NCKAP5: variants seen among roughly 807,000 people sequenced by gnomAD.
NCKAP5 encodes nck-associated protein 5.
NCKAP5 carries 92 observed loss-of-function variants against 167.0 expected under a neutral mutation model. That is an observed-to-expected ratio of 0.55 (90% CI 0.47 to 0.66). The LOEUF is 0.66. Ranked by LOEUF, NCKAP5 falls within the 30% of genes least tolerant of loss-of-function variation. NCKAP5 has a pLI of 0.00. For synonymous variants in NCKAP5, 891 were observed against 877.4 expected (o/e 1.02, Z -0.27); for missense variants, 2,378 against 2,315.0 (o/e 1.03, Z -0.56).
intron 2 of NCKAP5, among the ~76,000 whole-genome samples, chr2:133,556,550 C>T (rs1276505037): frequency 3.9e-5 from 6 of 152,202 alleles, no homozygotes. Flanking sequence ...CATGTGTATT[C>T]AGTGTAGATT....
intron 5 of NCKAP5, among the ~76,000 whole-genome samples, chr2:133,210,241 C>T (rs899255898): frequency 8.6e-5 from 12 of 139,970 alleles, no homozygotes; most frequent in Middle Eastern, 7.2e-3. Flanking sequence ...TCTCAAAATG[C>T]TGCTTTGGGA....
At chr2:133,579,065 A>G in the NCKAP5 span, among the ~76,000 whole-genome samples, 1 of 152,226 alleles carries the variant, frequency 6.6e-6, no homozygotes, top group African/African-American at 2.4e-5. Context: ...AAACATTTGG[A>G]TAGCACTTAG....
In NCKAP5 at chr2:132,901,596, TAAATA is replaced by T. The variant is rs375653164; in HGVS notation, c.580-22685_580-22681del. On this transcript the variant is annotated intron_variant, in intron 8 of 19. Transcript: ENST00000409261. ...GAAACGCATTAAGTAAACAATGCTG[TAAATA>T]AAATAAGATTGTGTCAACAGAATAT... 2.9e-3 allele frequency among the ~76,000 whole-genome samples: 441 copies of T among 152,294 alleles called. 1 individual carries two copies. Among genetic ancestry groups the T allele is most frequent in the African/African-American group, 9.8e-3 (407 of 41,570 alleles).
intron 8 of NCKAP5, among the ~76,000 whole-genome samples, chr2:132,914,145 CA>C (rs1694676643): frequency 6.6e-6 from 1 of 152,090 alleles, no homozygotes; most frequent in African/African-American, 2.4e-5. Flanking sequence ...AAATTTCTTT[CA>C]AATAGCACAT....
intron 5 of NCKAP5, among the ~76,000 whole-genome samples, chr2:133,187,490 G>T (rs1179607519): frequency 2.0e-5 from 3 of 151,998 alleles, no homozygotes; most frequent in Admixed American, 2.0e-4. Flanking sequence ...AGGAGTTTGA[G>T]ACCCACATGG....
chr2:133,674,502 A>G, the NCKAP5 span, among the ~76,000 whole-genome samples: 1 of 151,198 alleles, frequency 6.6e-6, no homozygotes, highest in Non-Finnish European at 1.5e-5. Flanking sequence ...CCCTGTGTCT[A>G]TTTACATAGT....
intron 4 of NCKAP5, among the ~76,000 whole-genome samples, chr2:133,286,849 G>A (rs1211906059): frequency 6.6e-6 from 1 of 152,152 alleles, no homozygotes; most frequent in African/African-American, 2.4e-5. Context: ...CCTTTAACAG[G>A]AATGGTACAC....
intron 3 of NCKAP5, among the ~76,000 whole-genome samples, chr2:133,446,595 C>G (rs1450146089): frequency 1.3e-5 from 2 of 152,134 alleles, no homozygotes; most frequent in South Asian, 4.1e-4. Context: ...TCCCAGAAGT[C>G]GTGTGTATGA....
At chr2:133,567,815 G>C (rs1688675588) in intron 1 of NCKAP5, among the ~76,000 whole-genome samples, 1 of 152,068 alleles carries the variant, frequency 6.6e-6, no homozygotes, top group African/African-American at 2.4e-5. Context: ...TCTCCCTGCA[G>C]TGTACCAGTT....
At chr2:133,336,489 GT>G (rs754832767) in intron 3 of NCKAP5, among the ~76,000 whole-genome samples, 3 of 152,126 alleles carry the variant, frequency 2.0e-5, no homozygotes, top group Non-Finnish European at 4.4e-5. Flanking sequence ...CTTGGTAAAT[GT>G]TTCAAAAGAA....
chr2:132,710,976 T>A (rs1688785393), intron 19 of NCKAP5, among the ~76,000 whole-genome samples: 1 of 152,218 alleles, frequency 6.6e-6, no homozygotes, highest in South Asian at 2.1e-4. Flanking sequence ...AAGTTTCGAA[T>A]GAAGAGAATG....
At position 132,887,543 on chromosome 2, in the gene NCKAP5, T is replaced by C. The variant is rs563112112; in HGVS notation, c.580-8627A>G. ...TTCTATGACCTTATATGTCTGCTTC[T>C]CCACAGCGCACACCATCTCAAGAGT... On this transcript the variant is annotated intron_variant, in intron 8 of 19. Coordinates refer to ENST00000409261, the MANE Select transcript of NCKAP5 (RefSeq NM_207363.3). Among the ~76,000 whole-genome samples, 90 of 152,310 alleles carry C rather than the reference T, an allele frequency of 5.9e-4. 1 individual carries two copies. Among genetic ancestry groups the C allele is most frequent in the Non-Finnish European group, 6.8e-4 (46 of 68,026 alleles).
intron 3 of NCKAP5, among the ~76,000 whole-genome samples, chr2:133,435,555 C>A (rs761942625): frequency 1.3e-5 from 2 of 152,042 alleles, no homozygotes; most frequent in East Asian, 1.9e-4. Context: ...GCTCCCCTAC[C>A]GGACAGTGAT....
At chr2:133,192,186 T>C (rs909837103) in intron 5 of NCKAP5, among the ~76,000 whole-genome samples, 5 of 151,990 alleles carry the variant, frequency 3.3e-5, no homozygotes, top group Non-Finnish European at 7.4e-5. Context: ...CAAAAGTAAT[T>C]CCATGTGGGA....
intron 16 of NCKAP5, among the ~76,000 whole-genome samples, chr2:132,751,461 C>CAT (rs1680106599): frequency 6.6e-6 from 1 of 152,130 alleles, no homozygotes; most frequent in South Asian, 2.1e-4. Flanking sequence ...CCTTTATATC[C>CAT]ATCACAAATG....
At chr2:133,136,763 A>C (rs2082801173) in intron 5 of NCKAP5, among the ~76,000 whole-genome samples, 1 of 152,178 alleles carries the variant, frequency 6.6e-6, no homozygotes, top group African/African-American at 2.4e-5. Flanking sequence ...TGATAGAAAA[A>C]CACATGAGCT....
At chr2:133,385,483 A>T (rs964529554) in intron 3 of NCKAP5, among the ~76,000 whole-genome samples, 20 of 152,182 alleles carry the variant, frequency 1.3e-4, no homozygotes, top group Non-Finnish European at 2.8e-4. Flanking sequence ...ATTGATGTTC[A>T]TCAGGGATAT....
At chr2:133,483,311 T>C (rs1680622320) in intron 3 of NCKAP5, among the ~76,000 whole-genome samples, 1 of 152,218 alleles carries the variant, frequency 6.6e-6, no homozygotes, top group Non-Finnish European at 1.5e-5. Context: ...TCACCAGATG[T>C]GCAAGTCTAT....
intron 5 of NCKAP5, among the ~76,000 whole-genome samples, chr2:133,168,500 A>G (rs913754427): frequency 6.6e-6 from 1 of 152,200 alleles, no homozygotes; most frequent in South Asian, 2.1e-4. Flanking sequence ...GATCTATTAC[A>G]GTGTGGAGTC....
Sources: gnomAD v4.1 joint callset for allele counts (sites outside exome capture counted in the v4.1 genomes callset) on GRCh38, gnomAD v4.1.1 for gene constraint, MANE v1.5 for transcripts, NCBI Gene and HGNC (gene_info 2026-07-23, HGNC 2026-07-21) for gene names.